The following TTC13 variants were observed in gnomAD, a reference collection of about 807,000 sequenced individuals.
TTC13 encodes tetratricopeptide repeat protein 13.
TTC13 carries 62 observed loss-of-function variants against 120.0 expected under a neutral mutation model. That is an observed-to-expected ratio of 0.52 (90% CI 0.42 to 0.64). TTC13 has a LOEUF of 0.64. Ranked by LOEUF, TTC13 falls within the 30% of genes least tolerant of loss-of-function variation. TTC13 has a pLI of 0.00. For missense variants in TTC13, 824 were observed against 1,050.2 expected (o/e 0.78, Z 2.98); for synonymous variants, 384 against 393.5 (o/e 0.98, Z 0.28).
intron 18 of TTC13, among the ~76,000 whole-genome samples, chr1:230,913,914 G>A (rs1419912895): frequency 3.3e-5 from 5 of 152,202 alleles, no homozygotes; most frequent in Non-Finnish European, 7.3e-5. Context: ...CACTTTGTGA[G>A]AGGCTGTGAA....
intron 8 of TTC13, among the ~76,000 whole-genome samples, chr1:230,934,798 A>C (rs1189976834): frequency 2.6e-5 from 4 of 152,252 alleles, no homozygotes; most frequent in Non-Finnish European, 5.9e-5. Context: ...ACTTTAGATA[A>C]TTTTACACCT....
chr1:230,916,222 A>G lies in TTC13; in HGVS notation c.2064T>C (p.Asp688=), dbSNP rs1377321734. The part of the protein sequence containing the change: ...PSLKDQGKEY[D]GFTITITGDK... The stretch of plus-strand genomic sequence containing the variant: ...CTCCTGTAATCGTGATTGTGAATCC[A>G]TCATATTCCTTCCCTTGGTCTTTAA... Residue 688 remains aspartate (D), a synonymous_variant, in exon 18 of 23, where the codon GAT becomes GAC. Transcript: ENST00000366661. 3.1e-6 allele frequency: 5 copies of G among 1,613,926 alleles called. No homozygotes were observed. In the Admixed American group the frequency reaches 6.7e-5, roughly 22 times the overall value.
intron 1 of TTC13, among the ~76,000 whole-genome samples, chr1:230,976,388 C>T (rs1298356941): frequency 6.6e-6 from 1 of 152,166 alleles, no homozygotes; most frequent in Admixed American, 6.6e-5. Flanking sequence ...TCATAGGGTC[C>T]AGCTTCTACA....
intron 12 of TTC13, among the ~76,000 whole-genome samples, 166 bp from the exon 13 acceptor site, chr1:230,925,813 A>G (rs1367320125): frequency 6.6e-6 from 1 of 152,222 alleles, no homozygotes; most frequent in African/African-American, 2.4e-5. Context: ...TCAGCTTAAA[A>G]GGGAATCTCT....
At chr1:230,913,652 A>G (rs1051950944) in intron 18 of TTC13, among the ~76,000 whole-genome samples, 1 of 152,240 alleles carries the variant, frequency 6.6e-6, no homozygotes, top group Non-Finnish European at 1.5e-5. Flanking sequence ...AAGGGCCACA[A>G]ATTATTATGA....
chr1:230,965,708 G>A (rs910565858), intron 1 of TTC13, among the ~76,000 whole-genome samples: 1 of 152,218 alleles, frequency 6.6e-6, no homozygotes, highest in African/African-American at 2.4e-5. Flanking sequence ...AGCTCACTCT[G>A]ACACCCAGAC....
chr1:230,971,418 G>T (rs1201115427), intron 1 of TTC13, among the ~76,000 whole-genome samples: 1 of 150,582 alleles, frequency 6.6e-6, no homozygotes, highest in Non-Finnish European at 1.5e-5. Flanking sequence ...CCCGAAATAT[G>T]GTCCCAAGTG....
intron 15 of TTC13, 148 bp from the exon 16 acceptor site, chr1:230,921,652 C>A: frequency 2.0e-6 from 1 of 496,122 alleles, no homozygotes; most frequent in South Asian, 2.9e-5. Flanking sequence ...TGTTCATAGT[C>A]AATGAGTGGT....
At position 230,908,939 on chromosome 1, in the gene TTC13, T is replaced by C. The variant is rs1053074868; in HGVS notation, c.2388+3A>G. On this transcript the variant is annotated splice_donor_region_variant and intron_variant, in intron 21 of 22. Coordinates refer to ENST00000366661, the MANE Select transcript of TTC13 (RefSeq NM_024525.5). ...GCATTTCTCCCTTCCCGCTCCAACA[T>C]ACCTTCCCTTTGGGAATTTTTCCTG... is the stretch of plus-strand genomic sequence containing the variant. 3 of 1,614,098 alleles carry C rather than the reference T, an allele frequency of 1.9e-6. No homozygotes were observed. The highest frequency in any genetic ancestry group is 2.5e-6 in the Non-Finnish European group (3 of 1,179,948).
rs1016731811 is a variant in TTC13 at position 230,933,812 on chromosome 1, A to G, written c.950T>C (p.Ile317Thr). 21 of 1,610,204 alleles carry G rather than the reference A, an allele frequency of 1.3e-5. No homozygotes were observed. Among genetic ancestry groups the G allele is most frequent in the Non-Finnish European group, 1.6e-5 (19 of 1,178,592 alleles). ...KEALKQKVDF[I>T]DAYKSLGQAY... ...CTGCCCTAGACTTTTATATGCATCAATAAAGTCAACTTTCTGCTTCAAAGC... is the reference window on the plus strand; with the variant it reads ...CTGCCCTAGACTTTTATATGCATCAGTAAAGTCAACTTTCTGCTTCAAAGC... Residue 317 changes from isoleucine to threonine, a missense_variant, in exon 9 of 23, where the codon ATT (isoleucine) becomes ACT (threonine). Ile to Thr is a moderately conservative substitution (Grantham distance 89). Coordinates refer to ENST00000366661, the MANE Select transcript of TTC13 (RefSeq NM_024525.5).
chr1:230,932,284 C>T (rs903719488), intron 9 of TTC13, among the ~76,000 whole-genome samples: 1 of 145,764 alleles, frequency 6.9e-6, no homozygotes, highest in Non-Finnish European at 1.5e-5. Context: ...AAATTCATAG[C>T]CTTAAAAATG....
intron 1 of TTC13, among the ~76,000 whole-genome samples, chr1:230,977,158 T>C (rs570862261): frequency 1.3e-5 from 2 of 152,318 alleles, no homozygotes; most frequent in South Asian, 4.1e-4. Flanking sequence ...TGAGCCACCA[T>C]CTAATGAGGT....
At chr1:230,918,484 T>C (rs910576943) in intron 17 of TTC13, among the ~76,000 whole-genome samples, 1 of 152,154 alleles carries the variant, frequency 6.6e-6, no homozygotes, top group African/African-American at 2.4e-5. Context: ...ACTGAGATAC[T>C]GAGATGACTT....
chr1:230,915,272 T>TA (rs1287052655), intron 18 of TTC13, among the ~76,000 whole-genome samples: 2 of 152,070 alleles, frequency 1.3e-5, no homozygotes, highest in African/African-American at 2.4e-5. Flanking sequence ...ATGTGAGTCA[T>TA]AGTCTCACTG....
At chr1:230,918,665 G>A (rs1558170912) in intron 17 of TTC13, among the ~76,000 whole-genome samples, 4 of 152,270 alleles carry the variant, frequency 2.6e-5, no homozygotes, top group East Asian at 3.9e-4. Flanking sequence ...TAAACTCCAC[G>A]AGGTAGGTCT....
intron 11 of TTC13, among the ~76,000 whole-genome samples, chr1:230,930,253 A>G (rs1673415694): frequency 6.6e-6 from 1 of 152,260 alleles, no homozygotes; most frequent in Non-Finnish European, 1.5e-5. Flanking sequence ...GCAGCTTCAT[A>G]TTAATTATGT....
intron 21 of TTC13, 60 bp downstream of exon 21, chr1:230,908,882 A>C: frequency 2.5e-6 from 4 of 1,609,418 alleles, no homozygotes; most frequent in Non-Finnish European, 3.4e-6. Flanking sequence ...TTAAAATAAA[A>C]ATCCATAAAT....
chr1:230,939,411 G>A lies in TTC13; in HGVS notation c.875C>T (p.Thr292Ile), dbSNP rs1486063532. ...CTTCAGAAGTCCTCTGTGAAAGAAA[G>A]TTAAACCTTTGTATAGCATAGCTAT... ...QPIAMLYKGL[T>I]FFHRGLLKEA... is the part of the protein sequence containing the mutation. Residue 292 changes from threonine (T) to isoleucine (I), a missense_variant, in exon 8 of 23, where the codon ACT (threonine) becomes ATT (isoleucine). This residue lies in a region of TTC13 where 430 missense variants were observed against 626.8 expected (regional missense o/e 0.69). Transcript: ENST00000366661. The A allele has an allele frequency of 1.9e-6, 3 of 1,611,160 alleles. No homozygotes were observed. The highest frequency in any genetic ancestry group is 2.5e-6 in the Non-Finnish European group (3 of 1,177,922).
chr1:230,933,090 A>G (rs1378623542), intron 9 of TTC13, among the ~76,000 whole-genome samples: 1 of 152,118 alleles, frequency 6.6e-6, no homozygotes, highest in African/African-American at 2.4e-5. Flanking sequence ...CTCCAGCCTC[A>G]GCCTCCCAAG....
Sources: allele counts gnomAD v4.1 joint callset (sites outside exome capture counted in the v4.1 genomes callset), GRCh38; gene constraint gnomAD v4.1.1; regional missense constraint gnomAD v4.1.1; transcripts MANE v1.5; gene names NCBI Gene and HGNC (gene_info 2026-07-23, HGNC 2026-07-21).